ABCC2: variants seen among roughly 807,000 people sequenced by gnomAD.
ABCC2 encodes ATP binding cassette subfamily C member 2.
ABCC2 carries 157 observed loss-of-function variants against 173.4 expected under a neutral mutation model. That is an observed-to-expected ratio of 0.91 (90% confidence interval 0.80 to 1.03). The LOEUF is 1.03. ABCC2 is among the 50% of genes least tolerant of loss of function. The pLI is 0.00. For missense variants in ABCC2, 1,822 were observed against 1,852.3 expected (o/e 0.98, Z 0.30); for synonymous variants, 657 against 693.5 (o/e 0.95, Z 0.83).
intron 7 of ABCC2, 26 bp downstream of exon 7, chr10:99,797,357 G>T: frequency 6.3e-7 from 1 of 1,589,728 alleles, no homozygotes; most frequent in South Asian, 1.1e-5. Context: ...GTGTCTGTGT[G>T]AGCGCGCTGC....
intron 14 of ABCC2, among the ~76,000 whole-genome samples, chr10:99,810,492 C>G (rs1296512226): frequency 6.6e-6 from 1 of 152,152 alleles, no homozygotes. Flanking sequence ...AGGATAGAGC[C>G]AAGTGTGTGG....
rs200331549 is a variant in ABCC2 at position 99,818,806 on chromosome 10, G to A, written c.2288G>A (p.Gly763Glu). 6.2e-7 allele frequency: 1 copy of A among 1,613,952 alleles called. No individual in the cohort carries two copies. The highest frequency in any genetic ancestry group is 1.3e-5 in the African/African-American group (1 of 74,892). Residue 763 changes from glycine (G) to glutamate (E), a missense_variant, in exon 18 of 32, where the codon GGG (glycine) becomes GAG (glutamate). Transcript: ENST00000647814. ...CTTCTTCAGGGTATAAATCTTAGTG[G>A]GGGTCAGAAGCAGCGGATCAGCCTG... ...EIGEKGINLSGGQKQRISLAR... is the reference protein window; with the variant it reads ...EIGEKGINLSEGQKQRISLAR...
rs1246675348 is a variant in ABCC2 at position 99,814,674 on chromosome 10, T to C, written c.2094+1530T>C. On this transcript the variant is annotated intron_variant, in intron 16 of 31. Transcript: ENST00000647814. ...ACACACACATATGTGTATATACACA[T>C]ATACACACACGTGTATATACACATA... Among the ~76,000 whole-genome samples the C allele has an allele frequency of 1.4e-5, 2 of 139,810 alleles. 1 individual carries two copies. The highest frequency in any genetic ancestry group is 1.4e-4 in the Admixed American group (2 of 14,350). The allele number at this position is 139,810 out of a possible 152,430, so 91.7% of individuals were successfully genotyped here.
chr10:99,829,492 G>A (rs956896087), intron 19 of ABCC2, among the ~76,000 whole-genome samples: 3 of 152,268 alleles, frequency 2.0e-5, no homozygotes, highest in African/African-American at 7.2e-5. Flanking sequence ...TGGAGGAGTA[G>A]ATATCTGGAG....
chr10:99,800,600 C>T lies in ABCC2; in HGVS notation c.1209+37C>T. 3 of 1,608,638 alleles carry T rather than the reference C, an allele frequency of 1.9e-6. No homozygotes were observed. The African/African-American group carries it at 4.0e-5, about 21-fold the overall frequency. On this transcript the variant is annotated intron_variant, in intron 9 of 31. Coordinates refer to ENST00000647814, the MANE Select transcript of ABCC2 (RefSeq NM_000392.5). ...ACGGCAGGTATCACCAAAGAAAATC[C>T]CCTCAGTAAATATGAGCATTGATTC...
chr10:99,839,368 A>ACC (rs1246751900), intron 25 of ABCC2, among the ~76,000 whole-genome samples: 11 of 17,992 alleles, frequency 6.1e-4, no homozygotes, highest in African/African-American at 2.4e-3. Flanking sequence ...GGGGGGGCTG[A>ACC]CCCCCCCCCA....
chr10:99,801,995 C>A (rs1353153221), intron 9 of ABCC2, among the ~76,000 whole-genome samples: 1 of 152,198 alleles, frequency 6.6e-6, no homozygotes. Context: ...CTCCTTATTT[C>A]TTCTGGAGAT....
intron 7 of ABCC2, 110 bp from the exon 8 acceptor site, chr10:99,799,097 C>T (rs2037967998): frequency 1.6e-6 from 2 of 1,242,744 alleles, no homozygotes; most frequent in Admixed American, 1.8e-5. Flanking sequence ...GAGAGATGAT[C>T]AAAACCTGTA....
At chr10:99,789,974 C>T (rs1444649906) in intron 2 of ABCC2, among the ~76,000 whole-genome samples, 2 of 152,164 alleles carry the variant, frequency 1.3e-5, no homozygotes, top group Non-Finnish European at 2.9e-5. Context: ...CCTTGAGATG[C>T]TGTTATTTGA....
intron 9 of ABCC2, among the ~76,000 whole-genome samples, chr10:99,800,931 C>G (rs1451080665): frequency 1.3e-5 from 2 of 152,154 alleles, no homozygotes; most frequent in Non-Finnish European, 1.5e-5. Context: ...GGTGAAGGGT[C>G]AAACTCTTAA....
At chr10:99,801,124 A>G (rs1225970936) in intron 9 of ABCC2, among the ~76,000 whole-genome samples, 4 of 152,116 alleles carry the variant, frequency 2.6e-5, no homozygotes, top group Non-Finnish European at 2.9e-5. Flanking sequence ...TCAGTTTGTA[A>G]ATACATTCAT....
Position 99,810,233 on chromosome 10 carries a change from A to T in ABCC2, c.1900+15A>T. ...CTGCAATTTTGGTAAATAAATTTGG[A>T]AGTTGCTTCCCAAACTTATTCGCAG... On this transcript the variant is annotated intron_variant, in intron 14 of 31. Transcript: ENST00000647814. 6.2e-7 allele frequency: 1 copy of T among 1,610,294 alleles called. No homozygotes were observed.
chr10:99,814,170 T>C (rs1338706316), intron 16 of ABCC2, among the ~76,000 whole-genome samples: 20 of 132,262 alleles, frequency 1.5e-4, no homozygotes, highest in African/African-American at 4.0e-4. Flanking sequence ...CACGTATATA[T>C]ACACACATGT....
chr10:99,785,306 A>C (rs1258993153), intron 2 of ABCC2, among the ~76,000 whole-genome samples: 1 of 152,148 alleles, frequency 6.6e-6, no homozygotes, highest in African/African-American at 2.4e-5. Flanking sequence ...GTGCACAGTG[A>C]CAAGCACGAG....
intron 8 of ABCC2, 128 bp downstream of exon 8, chr10:99,799,498 C>T: frequency 8.8e-7 from 1 of 1,133,254 alleles, no homozygotes; most frequent in Non-Finnish European, 1.3e-6. Flanking sequence ...TTTTCTTCCA[C>T]CTTAACCTTA....
intron 2 of ABCC2, among the ~76,000 whole-genome samples, chr10:99,786,417 C>A (rs2037711395): frequency 1.3e-5 from 2 of 152,334 alleles, no homozygotes; most frequent in South Asian, 4.1e-4. Flanking sequence ...AGGTTAGAAG[C>A]AATCAAGTTG....
intron 19 of ABCC2, among the ~76,000 whole-genome samples, chr10:99,821,475 C>T (rs1388399650): frequency 6.6e-6 from 1 of 152,118 alleles, no homozygotes; most frequent in Non-Finnish European, 1.5e-5. Context: ...TTGGACAATA[C>T]CTGGCTTTCC....
chr10:99,783,169 C>T (rs766197710), intron 1 of ABCC2, among the ~76,000 whole-genome samples: 6 of 152,078 alleles, frequency 3.9e-5, no homozygotes, highest in East Asian at 1.9e-4. Flanking sequence ...CAATTTAATC[C>T]GTGTGAGGAA....
intron 13 of ABCC2, 97 bp downstream of exon 13, chr10:99,808,326 G>A (rs993689243): frequency 5.3e-6 from 8 of 1,511,218 alleles, no homozygotes; most frequent in Non-Finnish European, 5.5e-6. Flanking sequence ...ACTTTTGCTG[G>A]TAAACTTTCA....
Sources: gnomAD v4.1 joint callset for allele counts (sites outside exome capture counted in the v4.1 genomes callset) on GRCh38, gnomAD v4.1.1 for gene constraint, MANE v1.5 for transcripts, NCBI Gene and HGNC (gene_info 2026-07-23, HGNC 2026-07-21) for gene names.